The following CHST3 variants were observed in gnomAD, a reference collection of about 807,000 sequenced individuals.
CHST3 encodes carbohydrate sulfotransferase 3, also known as C6ST-1.
CHST3 carries 20 observed loss-of-function variants against 35.4 expected under a neutral mutation model. That is an observed-to-expected ratio of 0.57 (90% CI 0.40 to 0.82). CHST3 has a LOEUF of 0.82. Among genes scored for constraint, CHST3 ranks in the 40% least tolerant of loss-of-function variants. CHST3 has a pLI of 0.00. For missense variants in CHST3, 693 were observed against 670.1 expected (o/e 1.03, Z -0.38); for synonymous variants, 334 against 295.9 (o/e 1.13, Z -1.32).
chr10:71,973,547 C>A (rs1385223101), intron 1 of CHST3, among the ~76,000 whole-genome samples: 1 of 152,256 alleles, frequency 6.6e-6, no homozygotes, highest in Admixed American at 6.5e-5. Flanking sequence ...CACCTCCAGC[C>A]CTCAAGCTGT....
chr10:71,988,629 T>A (rs1321650315), intron 1 of CHST3, among the ~76,000 whole-genome samples: 1 of 152,216 alleles, frequency 6.6e-6, no homozygotes, highest in Non-Finnish European at 1.5e-5. Context: ...ATGCTTCTTG[T>A]ACATCCTGCA....
chr10:71,999,208 G>C (rs1014504131), intron 1 of CHST3, among the ~76,000 whole-genome samples: 1 of 152,198 alleles, frequency 6.6e-6, no homozygotes, highest in South Asian at 2.1e-4. Context: ...ATAAAAACCA[G>C]GCAGGCTGGC....
chr10:71,974,114 A>G (rs1270510885), intron 1 of CHST3, among the ~76,000 whole-genome samples: 1 of 152,250 alleles, frequency 6.6e-6, no homozygotes, highest in Admixed American at 6.5e-5. Context: ...TGTTGAGAGC[A>G]GTGCCTGGCA....
intron 1 of CHST3, among the ~76,000 whole-genome samples, chr10:71,990,134 C>T (rs1023153789): frequency 3.3e-5 from 5 of 152,138 alleles, no homozygotes; most frequent in East Asian, 1.9e-4. Flanking sequence ...ATTCCTGGGT[C>T]GAAGAGTGTT....
Position 72,007,790 on chromosome 10 carries a change from C to A in CHST3, c.759C>A (p.Gly253=), listed in dbSNP as rs754665395. 2 of 1,601,714 alleles carry A rather than the reference C, an allele frequency of 1.2e-6. No individual in the cohort carries two copies. The highest frequency in any genetic ancestry group is 1.7e-6 in the Non-Finnish European group (2 of 1,179,688). ...EKYHCKNRRC[G]PLNVTLAAEA... Reference sequence around the variant, plus strand: ...ACCACTGCAAGAACCGCCGCTGCGGCCCCCTCAACGTGACGCTGGCCGCAG... The same window carrying A: ...ACCACTGCAAGAACCGCCGCTGCGGACCCCTCAACGTGACGCTGGCCGCAG... The change falls in exon 3 of 3, where the codon GGC becomes GGA. Residue 253 remains glycine, a synonymous_variant. Coordinates refer to ENST00000373115, the MANE Select transcript of CHST3 (RefSeq NM_004273.5).
chr10:71,982,983 C>T (rs572045075), intron 1 of CHST3, among the ~76,000 whole-genome samples: 1 of 152,344 alleles, frequency 6.6e-6, no homozygotes, highest in East Asian at 1.9e-4. Context: ...CCCCTCTTGG[C>T]AGTCAGACAG....
rs757465055 is a variant in CHST3, at chr10:72,007,401, C to T, written c.370C>T (p.Pro124Ser). Residue 124 changes from proline to serine, a missense_variant, in exon 3 of 3, where the codon CCC becomes TCC. Coordinates refer to ENST00000373115, the MANE Select transcript of CHST3 (RefSeq NM_004273.5). Reference sequence around the variant, plus strand: ...AGAGCAGAGAAAGGAGGAGGAGCCGCCCAGACCGGCCGTGGCGGGGCCCCG... The same window carrying T: ...AGAGCAGAGAAAGGAGGAGGAGCCGTCCAGACCGGCCGTGGCGGGGCCCCG... ...EEEQRKEEEP[P>S]RPAVAGPRRH... 1.1e-5 allele frequency: 18 copies of T among 1,605,576 alleles called. No homozygotes were observed. The highest frequency in any genetic ancestry group is 1.4e-5 in the Non-Finnish European group (17 of 1,178,172).
intron 1 of CHST3, among the ~76,000 whole-genome samples, chr10:71,984,150 G>A (rs912082817): frequency 1.1e-4 from 16 of 152,194 alleles, no homozygotes; most frequent in African/African-American, 2.9e-4. Flanking sequence ...AGCCTCTCGA[G>A]TAGCTGGGAT....
chr10:71,977,893 A>G (rs942075243), intron 1 of CHST3, among the ~76,000 whole-genome samples: 1 of 151,790 alleles, frequency 6.6e-6, no homozygotes, highest in Non-Finnish European at 1.5e-5. Flanking sequence ...TGATTTTTTT[A>G]TTTTTTTAAA....
At chr10:71,971,527 G>T (rs749515503) in intron 1 of CHST3, among the ~76,000 whole-genome samples, 12 of 152,140 alleles carry the variant, frequency 7.9e-5, no homozygotes, top group Non-Finnish European at 7.3e-5. Flanking sequence ...CTGAGATTTA[G>T]CCCTGGGCAT....
rs1429848459 is a variant in CHST3, at chr10:72,008,982, C to T, written c.*511C>T. On this transcript the variant is annotated 3_prime_UTR_variant, in exon 3 of 3. Transcript: ENST00000373115. ...GGCATTTGAGGCTCGTTTGAGGTGA[C>T]AGTGGCTGTTTACCAACTAGTACAG... The T allele has an allele frequency of 6.4e-6, 1 of 156,838 alleles. No homozygotes were observed. Among genetic ancestry groups the T allele is most frequent in the Non-Finnish European group, 1.4e-5 (1 of 71,140 alleles). The allele number at this position is 156,838 out of a possible 1,614,324, so 9.7% of individuals were successfully genotyped here. A position where few individuals can be genotyped will look rare whatever the true frequency, so the allele number is the denominator to read the frequency against.
intron 1 of CHST3, among the ~76,000 whole-genome samples, chr10:71,969,719 G>A (rs1056809045): frequency 8.5e-5 from 13 of 152,196 alleles, no homozygotes; most frequent in African/African-American, 3.1e-4. Flanking sequence ...TGCAGGGGCC[G>A]GGGCTGTCCA....
intron 1 of CHST3, among the ~76,000 whole-genome samples, chr10:71,996,054 G>C (rs903239182): frequency 2.0e-5 from 3 of 152,150 alleles, no homozygotes; most frequent in Admixed American, 2.0e-4. Context: ...AACATATAAA[G>C]GCATGTGAGT....
At chr10:71,967,891 G>A (rs961900550) in intron 1 of CHST3, among the ~76,000 whole-genome samples, 1 of 152,002 alleles carries the variant, frequency 6.6e-6, no homozygotes, top group African/African-American at 2.4e-5. Context: ...GTGCGATCTT[G>A]GCTCACTGCA....
chr10:72,001,096 G>A (rs902833534), intron 1 of CHST3, among the ~76,000 whole-genome samples: 4 of 152,178 alleles, frequency 2.6e-5, no homozygotes, highest in African/African-American at 7.2e-5. Context: ...TTTGAGAACT[G>A]TATCGTAGGT....
chr10:71,989,676 T>C (rs184716933), intron 1 of CHST3, among the ~76,000 whole-genome samples: 1 of 152,216 alleles, frequency 6.6e-6, no homozygotes, highest in African/African-American at 2.4e-5. Context: ...AGTAACATGG[T>C]AACAAATTTA....
chr10:71,998,579 C>T (rs780560282), intron 1 of CHST3, among the ~76,000 whole-genome samples: 18 of 152,238 alleles, frequency 1.2e-4, no homozygotes, highest in Non-Finnish European at 2.2e-4. Flanking sequence ...TCCCCCACAG[C>T]CCCACTCAGG....
intron 1 of CHST3, among the ~76,000 whole-genome samples, chr10:71,992,820 T>C (rs74932382): frequency 0.35 from 52,896 of 151,482 alleles, 10,958 homozygotes; most frequent in Non-Finnish European, 0.47. Context: ...GCCACCACGC[T>C]TGGCTAATTT....
chr10:71,979,643 G>T (rs1839782121), intron 1 of CHST3, among the ~76,000 whole-genome samples: 1 of 152,146 alleles, frequency 6.6e-6, no homozygotes, highest in Non-Finnish European at 1.5e-5. Flanking sequence ...CCCAGAGATG[G>T]ACTCTCAGCT....
Sources: allele counts gnomAD v4.1 joint callset (sites outside exome capture counted in the v4.1 genomes callset), GRCh38; gene constraint gnomAD v4.1.1; transcripts MANE v1.5; gene names NCBI Gene and HGNC (gene_info 2026-07-23, HGNC 2026-07-21).